Variants in PLCE1 observed in about 807,000 individuals in gnomAD.
PLCE1 encodes 1-phosphatidylinositol 4,5-bisphosphate phosphodiesterase epsilon-1.
Under a neutral mutation model 242.8 loss-of-function variants are expected in PLCE1, and 119 were observed. That is an observed-to-expected ratio of 0.49 (90% CI 0.42 to 0.57). PLCE1 has a LOEUF of 0.57. Ranked by LOEUF, PLCE1 falls within the 20% of genes least tolerant of loss-of-function variation. The probability of loss-of-function intolerance (pLI) is 0.00; values close to 1 mark genes in which losing one functional copy is unlikely to be tolerated. For synonymous variants in PLCE1, 945 were observed against 1,017.4 expected (o/e 0.93, Z 1.35); for missense variants, 2,441 against 2,788.8 (o/e 0.88, Z 2.81).
At chr10:94,147,602 G>A (rs2047156069) in intron 3 of PLCE1, among the ~76,000 whole-genome samples, 2 of 152,170 alleles carry the variant, frequency 1.3e-5, no homozygotes, top group South Asian at 2.1e-4. Flanking sequence ...TTGTGACAGC[G>A]GAGGGGGCTG....
Position 94,132,459 on chromosome 10 carries a change from G to C in PLCE1, c.1492G>C (p.Glu498Gln), listed in dbSNP as rs1404447144. The change falls in exon 3 of 33, where the codon GAA becomes CAA. Residue 498 changes from glutamate (E) to glutamine (Q), a missense_variant and splice_region_variant. Glu to Gln is a conservative substitution (Grantham distance 29, BLOSUM62 2). Coordinates refer to ENST00000371380, the MANE Select transcript of PLCE1 (RefSeq NM_016341.4). Reference protein sequence around the residue: ...GGSTGRMMLKERQPGPSVANS... With the variant: ...GGSTGRMMLKQRQPGPSVANS... ...ATCCACTGGACGAATGATGCTGAAA[G>C]GTAATGCCTGAAATTTCACTTTTAA... 1 of 1,613,536 alleles carries C rather than the reference G, an allele frequency of 6.2e-7. No homozygotes were observed. The highest frequency in any genetic ancestry group is 8.5e-7 in the Non-Finnish European group (1 of 1,179,628).
chr10:94,213,501 C>T (rs1177929474), intron 4 of PLCE1, among the ~76,000 whole-genome samples: 1 of 152,190 alleles, frequency 6.6e-6, no homozygotes, highest in Non-Finnish European at 1.5e-5. Flanking sequence ...AGCCATGTCC[C>T]TGTGTCCCTA....
At chr10:94,266,022 G>A (rs2051502031) in intron 16 of PLCE1, 64 bp downstream of exon 16, 1 of 1,539,462 alleles carries the variant, frequency 6.5e-7, no homozygotes, top group African/African-American at 1.4e-5. Flanking sequence ...AACCCCCAAA[G>A]TCAAAAAAAC....
rs141014241 is a variant in PLCE1, at chr10:94,172,319, A to C, written c.1809+823A>C. Among the ~76,000 whole-genome samples, 250 of 152,286 alleles carry C rather than the reference A, an allele frequency of 1.6e-3. 1 individual carries two copies. Among genetic ancestry groups the C allele is most frequent in the Non-Finnish European group, 3.0e-3 (203 of 68,004 alleles). ...ATGTAACCCACACCCAGAGTTTTCT[A>C]TTCTACATTTTATGTTTTAGATTTA... On this transcript the variant is annotated intron_variant, in intron 4 of 32. Coordinates refer to ENST00000371380, the MANE Select transcript of PLCE1 (RefSeq NM_016341.4).
chr10:94,268,897 A>T (rs1021570332), intron 16 of PLCE1, 32 bp from the exon 17 acceptor site: 3 of 1,270,254 alleles, frequency 2.4e-6, no homozygotes, highest in Non-Finnish European at 3.5e-6. Flanking sequence ...CCAGGTGCTC[A>T]CCTGGGGTGG....
At chr10:94,160,541 T>C (rs914784362) in intron 3 of PLCE1, among the ~76,000 whole-genome samples, 2 of 152,222 alleles carry the variant, frequency 1.3e-5, no homozygotes, top group African/African-American at 4.8e-5. Flanking sequence ...ATGAGTAGAT[T>C]GCAAAAATTT....
intron 7 of PLCE1, among the ~76,000 whole-genome samples, chr10:94,242,932 GA>G (rs2050558472): frequency 6.6e-6 from 1 of 152,204 alleles, no homozygotes; most frequent in Admixed American, 6.5e-5. Context: ...AAATGGGGGA[GA>G]AGAGATCCAT....
intron 1 of PLCE1, among the ~76,000 whole-genome samples, chr10:94,009,642 G>A (rs2061128398): frequency 1.3e-5 from 2 of 152,152 alleles, no homozygotes; most frequent in Admixed American, 6.5e-5. Flanking sequence ...AGACACAATG[G>A]TGGTACAGGC....
chr10:94,097,447 C>T (rs1458876750), intron 2 of PLCE1, among the ~76,000 whole-genome samples: 2 of 152,120 alleles, frequency 1.3e-5, no homozygotes, highest in African/African-American at 4.8e-5. Context: ...TTACTGTGCA[C>T]CCACAACAGT....
At chr10:94,320,807 A>C (rs1341303780) in intron 29 of PLCE1, among the ~76,000 whole-genome samples, 1 of 152,226 alleles carries the variant, frequency 6.6e-6, no homozygotes, top group Non-Finnish European at 1.5e-5. Flanking sequence ...ATCTAAATTC[A>C]CCTAATTCAA....
At chr10:94,205,833 C>T (rs1287667368) in intron 4 of PLCE1, among the ~76,000 whole-genome samples, 2 of 152,212 alleles carry the variant, frequency 1.3e-5, no homozygotes, top group Non-Finnish European at 2.9e-5. Context: ...GTCAGTTGGC[C>T]AGCACTTTTG....
chr10:94,206,185 G>A (rs2049153112), intron 4 of PLCE1, among the ~76,000 whole-genome samples: 2 of 152,192 alleles, frequency 1.3e-5, no homozygotes, highest in African/African-American at 4.8e-5. Flanking sequence ...GTAAAGAAGG[G>A]AGGGTTGAGG....
chr10:94,138,321 A>G lies in PLCE1; in HGVS notation c.1492+5862A>G, dbSNP rs1295183685. 4.7e-5 allele frequency: 17 copies of G among 362,920 alleles called. 1 individual carries two copies. The highest frequency in any genetic ancestry group is 1.4e-3 in the Middle Eastern group (2 of 1,400). 22.5% of individuals were successfully genotyped at this position (362,920 alleles called of 1,614,324 possible). On this transcript the variant is annotated intron_variant, in intron 3 of 32. Transcript: ENST00000371380. Reference sequence around the variant, plus strand: ...GGTGATGGCATGGAAGAGGCCTTCTATGCCACAGACTGGGTCATGACTGTG... The same window carrying G: ...GGTGATGGCATGGAAGAGGCCTTCTGTGCCACAGACTGGGTCATGACTGTG...
At chr10:94,280,502 C>G (rs1306935622) in intron 20 of PLCE1, 1 of 153,652 alleles carries the variant, frequency 6.5e-6, no homozygotes, top group African/African-American at 2.4e-5. Context: ...AGATTACTAG[C>G]GAAGGATTCT....
At chr10:94,112,825 T>A (rs990158278) in intron 2 of PLCE1, among the ~76,000 whole-genome samples, 1 of 152,190 alleles carries the variant, frequency 6.6e-6, no homozygotes. Flanking sequence ...CCTCACCTAC[T>A]TCTCTATCTT....
chr10:94,054,589 G>A (rs1042827441), intron 2 of PLCE1, among the ~76,000 whole-genome samples: 1 of 152,160 alleles, frequency 6.6e-6, no homozygotes, highest in Non-Finnish European at 1.5e-5. Context: ...AGAGTTCAGG[G>A]TTTATCTCTT....
At chr10:94,243,115 A>G (rs1439033934) in intron 7 of PLCE1, among the ~76,000 whole-genome samples, 1 of 152,222 alleles carries the variant, frequency 6.6e-6, no homozygotes, top group Non-Finnish European at 1.5e-5. Context: ...GTGGCACATG[A>G]CACACAGGTC....
chr10:94,231,770 C>T (rs1293772793), intron 5 of PLCE1, among the ~76,000 whole-genome samples: 2 of 152,142 alleles, frequency 1.3e-5, no homozygotes, highest in Non-Finnish European at 2.9e-5. Context: ...AAGGAGCGTG[C>T]AACCTAGATC....
intron 8 of PLCE1, among the ~76,000 whole-genome samples, chr10:94,251,253 A>T (rs1170437264): frequency 2.0e-5 from 3 of 152,224 alleles, no homozygotes; most frequent in Non-Finnish European, 4.4e-5. Flanking sequence ...TACCCAAGTT[A>T]TTCAGCATCC....
Sources: gnomAD v4.1 joint callset for allele counts (sites outside exome capture counted in the v4.1 genomes callset) on GRCh38, gnomAD v4.1.1 for gene constraint, MANE v1.5 for transcripts, NCBI Gene and HGNC (gene_info 2026-07-23, HGNC 2026-07-21) for gene names.